Variants in RAD51B observed in about 807,000 individuals in gnomAD.
RAD51B encodes the protein DNA repair protein RAD51 homolog 2.
In RAD51B, 38 loss-of-function variants were observed where a neutral mutation model predicts 42.2. That is an observed-to-expected ratio of 0.90 (90% confidence interval 0.70 to 1.18). The LOEUF is 1.18. RAD51B is among the 50% of genes most tolerant of loss of function. The probability of loss-of-function intolerance (pLI) is 0.00; values close to 1 mark genes in which losing one functional copy is unlikely to be tolerated. For synonymous variants in RAD51B, 154 were observed against 145.2 expected, an observed-to-expected ratio of 1.06 and a Z score of -0.43; for missense variants, 373 against 400.7, an observed-to-expected ratio of 0.93 and a Z score of 0.59.
At chr14:68,429,413 C>A (rs1594823932) in intron 9 of RAD51B, among the ~76,000 whole-genome samples, 1 of 152,166 alleles carries the variant, frequency 6.6e-6, no homozygotes, top group African/African-American at 2.4e-5. Flanking sequence ...CTCTCCAGCA[C>A]CTGTTGTTTC....
chr14:68,026,378 G>T (rs948471483), intron 7 of RAD51B, among the ~76,000 whole-genome samples: 1 of 152,048 alleles, frequency 6.6e-6, no homozygotes, highest in Non-Finnish European at 1.5e-5. Context: ...GTCTAGTGTC[G>T]AATCTAAGTC....
chr14:67,870,197 C>T (rs372017238), intron 5 of RAD51B, among the ~76,000 whole-genome samples: 12 of 151,072 alleles, frequency 7.9e-5, no homozygotes, highest in East Asian at 1.9e-4. Context: ...ACCCATCTCA[C>T]GTGCAGAGAC....
intron 7 of RAD51B, among the ~76,000 whole-genome samples, chr14:67,961,131 C>T (rs187943107): frequency 5.9e-5 from 9 of 152,086 alleles, no homozygotes; most frequent in South Asian, 4.1e-4. Flanking sequence ...CTCAACCTCC[C>T]GAGTAGCTGG....
In RAD51B at chr14:68,422,296, C is replaced by A. The variant is rs975453561; in HGVS notation, c.957+10769C>A. 1.9e-4 allele frequency: 114 copies of A among 602,512 alleles called. 1 individual carries two copies. Among genetic ancestry groups the A allele is most frequent in the Non-Finnish European group, 3.2e-4 (103 of 321,244 alleles). The allele number at this position is 602,512 out of a possible 1,614,324, so 37.3% of individuals were successfully genotyped here. A position where few individuals can be genotyped will look rare whatever the true frequency, so the allele number is the denominator to read the frequency against. The stretch of plus-strand genomic sequence containing the variant: ...GGGTAGAGGAGGTTGGGTGCGGCAG[C>A]TCACGCCTGTAATCCCAGCACTTTG... On this transcript the variant is annotated intron_variant, in intron 9 of 10. Transcript: ENST00000471583.
At chr14:67,896,041 A>G (rs974313106) in intron 7 of RAD51B, among the ~76,000 whole-genome samples, 2 of 152,180 alleles carry the variant, frequency 1.3e-5, no homozygotes, top group Non-Finnish European at 2.9e-5. Context: ...AAATATTTGC[A>G]TGTATATATC....
intron 10 of RAD51B, among the ~76,000 whole-genome samples, chr14:68,639,540 G>C (rs1315453886): frequency 6.6e-6 from 1 of 152,178 alleles, no homozygotes; most frequent in South Asian, 2.1e-4. Flanking sequence ...TGATCTGAAG[G>C]AATATGTCAG....
chr14:68,435,246 T>G (rs1027630894), intron 9 of RAD51B, among the ~76,000 whole-genome samples: 1 of 152,182 alleles, frequency 6.6e-6, no homozygotes, highest in Admixed American at 6.5e-5. Context: ...TACCCTGTAC[T>G]TAGCTCCCAC....
intron 8 of RAD51B, among the ~76,000 whole-genome samples, chr14:68,399,599 C>T (rs2084034624): frequency 6.6e-6 from 1 of 152,120 alleles, no homozygotes. Context: ...ATTTTTATCT[C>T]TTGTATATTA....
At chr14:68,362,246 G>A (rs1458692292) in intron 8 of RAD51B, among the ~76,000 whole-genome samples, 2 of 152,130 alleles carry the variant, frequency 1.3e-5, no homozygotes, top group Non-Finnish European at 2.9e-5. Flanking sequence ...CATTATTTTT[G>A]TTAATCCTTG....
intron 7 of RAD51B, among the ~76,000 whole-genome samples, chr14:68,046,836 G>C (rs2076308046): frequency 6.6e-6 from 1 of 152,146 alleles, no homozygotes; most frequent in Non-Finnish European, 1.5e-5. Flanking sequence ...TTGAAGTCCA[G>C]TTTAAGCTCA....
chr14:68,199,927 A>G (rs2079449442), intron 7 of RAD51B, among the ~76,000 whole-genome samples: 1 of 152,246 alleles, frequency 6.6e-6, no homozygotes, highest in Non-Finnish European at 1.5e-5. Flanking sequence ...GCAACCCGCC[A>G]ATCTCTTTTG....
chr14:68,632,620 C>T (rs1892254294), intron 10 of RAD51B, among the ~76,000 whole-genome samples: 1 of 152,164 alleles, frequency 6.6e-6, no homozygotes, highest in South Asian at 2.1e-4. Flanking sequence ...GTTTTGCACC[C>T]GTCCACTCAC....
chr14:67,915,661 G>T (rs1007675789), intron 7 of RAD51B, among the ~76,000 whole-genome samples: 3 of 152,114 alleles, frequency 2.0e-5, no homozygotes, highest in East Asian at 1.9e-4. Flanking sequence ...GACTTTAGGG[G>T]GCAAAAGTAT....
At position 67,893,500 on chromosome 14, in the gene RAD51B, AC is replaced by A. The variant is rs1330353153; in HGVS notation, c.756+6297del. 3.7e-3 allele frequency among the ~76,000 whole-genome samples: 378 copies of A among 103,544 alleles called. 19 individuals are homozygous for A. The highest frequency in any genetic ancestry group is 8.0e-3 in the African/African-American group (173 of 21,510). 67.9% of individuals were successfully genotyped at this position (103,544 alleles called of 152,430 possible). Reference sequence around the variant, plus strand: ...CACACACACACACACACACACACACACACACACACAAAAAAAAACAATTAGC... The same window carrying A: ...CACACACACACACACACACACACACAACACACACAAAAAAAAACAATTAGC... On this transcript the variant is annotated intron_variant, in intron 7 of 10. Transcript: ENST00000471583.
At chr14:67,926,362 C>T (rs1386811766) in intron 7 of RAD51B, among the ~76,000 whole-genome samples, 1 of 152,124 alleles carries the variant, frequency 6.6e-6, no homozygotes, top group Non-Finnish European at 1.5e-5. Context: ...GGGCAAAATG[C>T]TGCCAGTCTG....
At chr14:67,853,852 A>G (rs538371054) in intron 4 of RAD51B, among the ~76,000 whole-genome samples, 4 of 152,334 alleles carry the variant, frequency 2.6e-5, no homozygotes, top group South Asian at 2.1e-4. Flanking sequence ...ATGCTTACAT[A>G]TTCAGTTACA....
chr14:68,451,114 G>A (rs1314345799), intron 9 of RAD51B, among the ~76,000 whole-genome samples: 1 of 152,188 alleles, frequency 6.6e-6, no homozygotes, highest in Non-Finnish European at 1.5e-5. Context: ...CTGATGGTAT[G>A]TGTGTTAAGT....
At chr14:68,546,355 C>T (rs905911552) in intron 10 of RAD51B, among the ~76,000 whole-genome samples, 6 of 152,086 alleles carry the variant, frequency 3.9e-5, no homozygotes, top group African/African-American at 1.4e-4. Flanking sequence ...CAGAGGTTTC[C>T]ATGTGGATGT....
At chr14:68,091,539 T>C (rs1336436547) in intron 7 of RAD51B, among the ~76,000 whole-genome samples, 1 of 152,200 alleles carries the variant, frequency 6.6e-6, no homozygotes, top group African/African-American at 2.4e-5. Flanking sequence ...ACCCACTTTT[T>C]GATGGGGTTA....
Sources: allele counts gnomAD v4.1 joint callset (sites outside exome capture counted in the v4.1 genomes callset), GRCh38; gene constraint gnomAD v4.1.1; transcripts MANE v1.5; gene names NCBI Gene and HGNC (gene_info 2026-07-23, HGNC 2026-07-21).